Variants in MAGI1 observed in about 807,000 individuals in gnomAD.
MAGI1 encodes the protein membrane-associated guanylate kinase, WW and PDZ domain-containing protein 1.
In MAGI1, 58 loss-of-function variants were observed where a neutral mutation model predicts 139.9. The ratio of observed to expected loss-of-function variants is 0.41; its 90% CI spans 0.34 to 0.52. MAGI1 has a LOEUF of 0.52. Among genes scored for constraint, MAGI1 ranks in the 20% least tolerant of loss-of-function variants. MAGI1 has a pLI of 0.12. For missense variants in MAGI1, 1,874 were observed against 1,901.6 expected (o/e 0.99, Z 0.27); for synonymous variants, 812 against 737.9 (o/e 1.10, Z -1.63).
intron 1 of MAGI1, among the ~76,000 whole-genome samples, chr3:65,888,011 CTG>C (rs2060598791): frequency 6.6e-6 from 1 of 152,126 alleles, no homozygotes; most frequent in Non-Finnish European, 1.5e-5. Flanking sequence ...ATGGTATATT[CTG>C]TGTTTCATAA....
rs1371880587 is a variant in MAGI1 at position 65,637,552 on chromosome 3, CAAAA to C, written c.314-15468_314-15465del. ...CTAGGTGACATTGAGACCCTGTCTCCAAAAAAAGAAAGAAAGAAAGAAAGAAAGA... is the reference window on the plus strand; with the variant it reads ...CTAGGTGACATTGAGACCCTGTCTCCAAAGAAAGAAAGAAAGAAAGAAAGA... On this transcript the variant is annotated intron_variant, in intron 1 of 22. Coordinates refer to ENST00000402939, the MANE Select transcript of MAGI1 (RefSeq NM_001033057.2). Among the ~76,000 whole-genome samples, 153 of 87,860 alleles carry C rather than the reference CAAAA, an allele frequency of 1.7e-3. 1 individual carries two copies. The highest frequency in any genetic ancestry group is 6.2e-3 in the Middle Eastern group (1 of 162). The allele number at this position is 87,860 out of a possible 152,430, so 57.6% of individuals were successfully genotyped here. A position where few individuals can be genotyped will look rare whatever the true frequency, so the allele number is the denominator to read the frequency against.
intron 2 of MAGI1, among the ~76,000 whole-genome samples, chr3:65,566,439 T>G (rs1559676889): frequency 6.6e-6 from 1 of 151,932 alleles, no homozygotes; most frequent in Non-Finnish European, 1.5e-5. Context: ...GCTCACCTTT[T>G]TTTTTTTTCC....
rs1456472049 is a variant in MAGI1 at position 65,430,065 on chromosome 3, G to T, written c.1622C>A (p.Ser541Tyr). 6.2e-7 allele frequency: 1 copy of T among 1,613,820 alleles called. No homozygotes were observed. ...THAQVVKIFQ[S>Y]IPIGASVDLE... ...GTCCACGCTGGCACCAATGGGGATG[G>T]ACTGGAAGATCTTCACAACTTGAGC... The change falls in exon 12 of 23, where the codon TCC (serine) becomes TAC (tyrosine). Residue 541 changes from serine (S) to tyrosine (Y), a missense_variant. Coordinates refer to ENST00000402939, the MANE Select transcript of MAGI1 (RefSeq NM_001033057.2).
chr3:65,655,448 A>C (rs566305106), intron 1 of MAGI1, among the ~76,000 whole-genome samples: 1 of 152,328 alleles, frequency 6.6e-6, no homozygotes, highest in South Asian at 2.1e-4. Flanking sequence ...CACAGATGAC[A>C]AAATAAAGAG....
At chr3:65,812,698 A>ATTTTT (rs1639084361) in intron 1 of MAGI1, among the ~76,000 whole-genome samples, 1 of 109,228 alleles carries the variant, frequency 9.2e-6, no homozygotes, top group Non-Finnish European at 1.8e-5. Context: ...AAGTTAGTTT[A>ATTTTT]CTTTTTTTTT....
chr3:65,470,052 T>C (rs774821288), intron 5 of MAGI1: 25 of 301,532 alleles, frequency 8.3e-5, no homozygotes, highest in Non-Finnish European at 1.5e-4. Context: ...AATTTAGTTG[T>C]CTAAACCTTT....
At chr3:65,365,160 C>T in intron 18 of MAGI1, 1 of 733,516 alleles carries the variant, frequency 1.4e-6, no homozygotes, top group Non-Finnish European at 2.5e-6. Flanking sequence ...TGACCCTCCT[C>T]CCAAACAGAC....
intron 5 of MAGI1, among the ~76,000 whole-genome samples, chr3:65,468,966 T>TAAATAAATAAAA (rs1950370756): frequency 1.3e-5 from 2 of 149,548 alleles, no homozygotes; most frequent in Non-Finnish European, 3.0e-5. Context: ...AATAAATAAA[T>TAAATAAATAAAA]AAATAAATAA....
chr3:65,612,021 A>G (rs966059066), intron 2 of MAGI1, among the ~76,000 whole-genome samples: 1 of 152,008 alleles, frequency 6.6e-6, no homozygotes, highest in African/African-American at 2.4e-5. Context: ...TATGTGCACA[A>G]TATCTTTCAG....
At chr3:65,711,150 A>AT (rs2031354990) in intron 1 of MAGI1, among the ~76,000 whole-genome samples, 1 of 151,932 alleles carries the variant, frequency 6.6e-6, no homozygotes, top group Non-Finnish European at 1.5e-5. Context: ...ACAGTGTTAG[A>AT]TTTTTTGTGG....
intron 2 of MAGI1, among the ~76,000 whole-genome samples, chr3:65,578,387 A>G (rs2081269981): frequency 6.6e-6 from 1 of 152,202 alleles, no homozygotes; most frequent in South Asian, 2.1e-4. Flanking sequence ...AGGGTGAAAA[A>G]TCAACCAGCT....
chr3:65,572,199 T>G (rs2080991850), intron 2 of MAGI1, among the ~76,000 whole-genome samples: 1 of 152,138 alleles, frequency 6.6e-6, no homozygotes, highest in Admixed American at 6.6e-5. Context: ...GAATAATATC[T>G]TATCAATATC....
At chr3:66,015,669 A>G (rs1306724189) in intron 1 of MAGI1, among the ~76,000 whole-genome samples, 1 of 152,210 alleles carries the variant, frequency 6.6e-6, no homozygotes, top group Non-Finnish European at 1.5e-5. Context: ...TTTTTTAAAT[A>G]TGCCAAAAAG....
chr3:65,629,705 T>C (rs890917820), intron 1 of MAGI1, among the ~76,000 whole-genome samples: 3 of 152,228 alleles, frequency 2.0e-5, no homozygotes, highest in Non-Finnish European at 4.4e-5. Context: ...AAGTGAGCTT[T>C]ATCTGAAAAG....
Position 65,363,591 on chromosome 3 carries a change from A to G in MAGI1, c.3369T>C (p.Thr1123=). Residue 1123 remains threonine, a synonymous_variant, in exon 21 of 23, where the codon ACT becomes ACC. Transcript: ENST00000402939. ...CCTTGGCTCCTCTTTCCAGTTCCAC[A>G]GTGTAAAAATCTTGCTCCTATTTAA... is the stretch of plus-strand genomic sequence containing the variant. ...PQATQEQDFY[T]VELERGAKGF... The G allele has an allele frequency of 6.2e-7, 1 of 1,613,778 alleles. No homozygotes were observed.
intron 1 of MAGI1, among the ~76,000 whole-genome samples, chr3:65,732,833 G>A (rs1559830249): frequency 6.6e-6 from 1 of 151,480 alleles, no homozygotes; most frequent in East Asian, 1.9e-4. Context: ...TATCTTTAAG[G>A]TCTGGCAAAA....
intron 2 of MAGI1, among the ~76,000 whole-genome samples, chr3:65,510,147 C>T (rs559392911): frequency 6.6e-6 from 1 of 152,180 alleles, no homozygotes; most frequent in Non-Finnish European, 1.5e-5. Context: ...ACCAAAAACC[C>T]ATCTGTACAT....
intron 2 of MAGI1, among the ~76,000 whole-genome samples, chr3:65,522,735 A>G (rs1041235518): frequency 3.3e-5 from 5 of 152,138 alleles, no homozygotes; most frequent in African/African-American, 9.7e-5. Flanking sequence ...ACCTCTCCCC[A>G]AAGTAAATGC....
At chr3:65,650,025 A>G (rs1483097408) in intron 1 of MAGI1, among the ~76,000 whole-genome samples, 1 of 152,184 alleles carries the variant, frequency 6.6e-6, no homozygotes, top group Non-Finnish European at 1.5e-5. Flanking sequence ...CATGTTTTGG[A>G]AACTTAATCC....
Sources: allele counts gnomAD v4.1 joint callset (sites outside exome capture counted in the v4.1 genomes callset), GRCh38; gene constraint gnomAD v4.1.1; transcripts MANE v1.5; gene names NCBI Gene and HGNC (gene_info 2026-07-23, HGNC 2026-07-21).